Variants in RALYL observed in about 807,000 individuals in gnomAD.
The protein encoded by RALYL is RNA-binding Raly-like protein.
In RALYL, 29 loss-of-function variants were observed where a neutral mutation model predicts 35.1. That is an observed-to-expected ratio of 0.83 (90% confidence interval 0.61 to 1.13). The LOEUF (loss-of-function observed/expected upper bound fraction) is 1.13. RALYL is among the 50% of genes most tolerant of loss of function. RALYL has a pLI of 0.00. For missense variants in RALYL, 359 were observed against 360.4 expected (o/e 1.00, Z 0.03); for synonymous variants, 120 against 127.6 (o/e 0.94, Z 0.40).
In RALYL at chr8:84,620,951, T is replaced by C. The variant is rs558470867; in HGVS notation, c.256+91374T>C. Among the ~76,000 whole-genome samples the C allele has an allele frequency of 2.1e-4, 32 of 152,238 alleles. No individual in the cohort carries two copies. In the South Asian group the frequency reaches 5.6e-3, roughly 27 times the overall value. ...CCACTTGAGGAGGCAGTCTGCCCGTTCTCAGATCTCCAGCTGCGTGCTGGG... is the reference window on the plus strand; with the variant it reads ...CCACTTGAGGAGGCAGTCTGCCCGTCCTCAGATCTCCAGCTGCGTGCTGGG... On this transcript the variant is annotated intron_variant, in intron 2 of 8. Coordinates refer to ENST00000521268, the MANE Select transcript of RALYL (RefSeq NM_173848.7).
At chr8:84,569,385 C>G (rs1361080559) in intron 2 of RALYL, among the ~76,000 whole-genome samples, 1 of 151,926 alleles carries the variant, frequency 6.6e-6, no homozygotes, top group Non-Finnish European at 1.5e-5. Flanking sequence ...TCTGAGGACC[C>G]TGTTCTGTCC....
At chr8:84,314,311 T>C (rs1426098439) in intron 1 of RALYL, among the ~76,000 whole-genome samples, 6 of 151,834 alleles carry the variant, frequency 4.0e-5, no homozygotes, top group African/African-American at 1.5e-4. Context: ...ACCATATCAA[T>C]AAGGAAAAAT....
chr8:84,566,868 T>C lies in RALYL; in HGVS notation c.256+37291T>C, dbSNP rs1405436915. 2.0e-5 allele frequency among the ~76,000 whole-genome samples: 3 copies of C among 151,684 alleles called. 1 individual carries two copies. In the East Asian group the frequency reaches 5.8e-4, roughly 29 times the overall value. On this transcript the variant is annotated intron_variant, in intron 2 of 8. Coordinates refer to ENST00000521268, the MANE Select transcript of RALYL (RefSeq NM_173848.7). ...TTCCCAGCTTTTTAAATTACAGAAT[T>C]ATGCTGTCTATGATTATATTAGATT...
intron 2 of RALYL, among the ~76,000 whole-genome samples, chr8:84,702,539 T>TCTCACACACACACACACACA (rs143400097): frequency 7.3e-6 from 1 of 136,462 alleles, no homozygotes; most frequent in African/African-American, 3.1e-5. Context: ...TCTCTCTCTC[T>TCTCACACACACACACACACA]CACACACACA....
intron 2 of RALYL, among the ~76,000 whole-genome samples, chr8:84,761,878 A>C (rs960477891): frequency 6.6e-6 from 1 of 152,160 alleles, no homozygotes; most frequent in African/African-American, 2.4e-5. Flanking sequence ...CATACATTCA[A>C]GAACGGTAAG....
At chr8:84,614,085 A>T (rs1219746839) in intron 2 of RALYL, among the ~76,000 whole-genome samples, 1 of 151,444 alleles carries the variant, frequency 6.6e-6, no homozygotes, top group Admixed American at 6.6e-5. Flanking sequence ...ATCCACTAAT[A>T]GTACCTATGA....
chr8:84,231,822 A>G (rs1326725884), intron 1 of RALYL, among the ~76,000 whole-genome samples: 3 of 152,162 alleles, frequency 2.0e-5, no homozygotes, highest in African/African-American at 4.8e-5. Context: ...GGCCCTGTCC[A>G]TGAGAAGATA....
chr8:84,371,137 G>A (rs908970959), intron 1 of RALYL, among the ~76,000 whole-genome samples: 9 of 151,908 alleles, frequency 5.9e-5, no homozygotes, highest in Non-Finnish European at 8.8e-5. Flanking sequence ...AACCCCTGTA[G>A]AAGCAGATTC....
chr8:84,661,208 A>G (rs1014923539), intron 2 of RALYL, among the ~76,000 whole-genome samples: 2 of 152,028 alleles, frequency 1.3e-5, no homozygotes, highest in Non-Finnish European at 2.9e-5. Flanking sequence ...GATTACAGAC[A>G]AGAGCCACCG....
intron 4 of RALYL, among the ~76,000 whole-genome samples, chr8:84,843,359 G>A (rs754690783): frequency 1.2e-4 from 18 of 152,074 alleles, no homozygotes; most frequent in African/African-American, 3.9e-4. Context: ...AGTGACCGCC[G>A]ATTCACAATT....
chr8:84,619,861 T>G (rs1283423996), intron 2 of RALYL, among the ~76,000 whole-genome samples: 4 of 151,410 alleles, frequency 2.6e-5, no homozygotes, highest in East Asian at 3.9e-4. Flanking sequence ...GAAGCTTAGT[T>G]TGGCTGGATA....
intron 2 of RALYL, among the ~76,000 whole-genome samples, chr8:84,590,311 C>A (rs1406400843): frequency 6.6e-6 from 1 of 152,162 alleles, no homozygotes; most frequent in Non-Finnish European, 1.5e-5. Context: ...GTAATTTCTA[C>A]AGGATATCTC....
intron 2 of RALYL, among the ~76,000 whole-genome samples, chr8:84,591,149 T>A (rs556995130): frequency 6.6e-6 from 1 of 152,266 alleles, no homozygotes; most frequent in African/African-American, 2.4e-5. Flanking sequence ...TATTATAGTA[T>A]TAAAATAACA....
chr8:84,447,492 C>A (rs527559165), intron 1 of RALYL, among the ~76,000 whole-genome samples: 1 of 152,142 alleles, frequency 6.6e-6, no homozygotes, highest in East Asian at 1.9e-4. Flanking sequence ...CTCCCTTTAA[C>A]CTCTACCTTA....
intron 1 of RALYL, among the ~76,000 whole-genome samples, chr8:84,425,126 A>G (rs1368490107): frequency 6.6e-6 from 1 of 152,182 alleles, no homozygotes; most frequent in Non-Finnish European, 1.5e-5. Flanking sequence ...AGCCTGGGCA[A>G]TGGCGGACGC....
chr8:84,617,064 C>T (rs1296525285), intron 2 of RALYL, among the ~76,000 whole-genome samples: 10 of 150,282 alleles, frequency 6.7e-5, no homozygotes, highest in Admixed American at 1.3e-4. Flanking sequence ...AGGATTGACT[C>T]GGTGATGCAG....
chr8:84,403,824 G>C (rs952084031), intron 1 of RALYL, among the ~76,000 whole-genome samples: 1 of 151,928 alleles, frequency 6.6e-6, no homozygotes, highest in African/African-American at 2.4e-5. Flanking sequence ...AGCATGGAAT[G>C]TTTTTTCATT....
chr8:84,452,235 T>A (rs578066078), intron 1 of RALYL, among the ~76,000 whole-genome samples: 10 of 137,258 alleles, frequency 7.3e-5, no homozygotes, highest in Admixed American at 2.9e-4. Flanking sequence ...TGATACTACT[T>A]TTTTTTTTTT....
chr8:84,229,705 A>G (rs926194442), intron 1 of RALYL, among the ~76,000 whole-genome samples: 1 of 152,236 alleles, frequency 6.6e-6, no homozygotes. Context: ...AGAGGATGGA[A>G]CTTACAGAGG....
Sources: gnomAD v4.1 joint callset for allele counts (sites outside exome capture counted in the v4.1 genomes callset) on GRCh38, gnomAD v4.1.1 for gene constraint, MANE v1.5 for transcripts, NCBI Gene and HGNC (gene_info 2026-07-23, HGNC 2026-07-21) for gene names.